Variants in CWF19L2 observed in about 807,000 individuals in gnomAD.
The protein encoded by CWF19L2 is CWF19-like protein 2.
In CWF19L2, 98 loss-of-function variants were observed where a neutral mutation model predicts 111.7. The observed-to-expected ratio is 0.88, with a 90% CI of 0.75 to 1.04. The LOEUF (loss-of-function observed/expected upper bound fraction) is 1.04, where lower values mean the gene tolerates loss of function less well. CWF19L2 is among the 50% of genes least tolerant of loss of function. CWF19L2 has a pLI of 0.00. For missense variants in CWF19L2, 1,101 were observed against 1,051.4 expected, an observed-to-expected ratio of 1.05 and a Z score of -0.65; for synonymous variants, 351 against 342.9, an observed-to-expected ratio of 1.02 and a Z score of -0.26.
intron 10 of CWF19L2, among the ~76,000 whole-genome samples, chr11:107,405,729 G>A (rs1451911742): frequency 6.6e-6 from 1 of 151,756 alleles, no homozygotes; most frequent in Non-Finnish European, 1.5e-5. Context: ...GCAGTTCATA[G>A]ACTGCAGTAC....
chr11:107,373,249 C>T (rs1453875260), intron 12 of CWF19L2, among the ~76,000 whole-genome samples: 1 of 127,640 alleles, frequency 7.8e-6, no homozygotes, highest in Non-Finnish European at 1.6e-5. Context: ...CCAGGAAGCT[C>T]GAACTGGGTG....
intron 12 of CWF19L2, among the ~76,000 whole-genome samples, chr11:107,361,115 G>A (rs1334632967): frequency 6.6e-6 from 1 of 152,104 alleles, no homozygotes; most frequent in Non-Finnish European, 1.5e-5. Flanking sequence ...TCCATCTTAA[G>A]TTGATTTTTG....
At chr11:107,371,888 C>A (rs1860515849) in intron 12 of CWF19L2, among the ~76,000 whole-genome samples, 1 of 137,220 alleles carries the variant, frequency 7.3e-6, no homozygotes, top group Non-Finnish European at 1.6e-5. Context: ...AGATGGTCCC[C>A]CCACCTCCAC....
chr11:107,398,822 C>A (rs1251811401), intron 10 of CWF19L2, among the ~76,000 whole-genome samples: 2 of 152,176 alleles, frequency 1.3e-5, no homozygotes, highest in African/African-American at 4.8e-5. Flanking sequence ...CCCATCAGAT[C>A]AACAGCAGAT....
rs1024559804 is a variant in CWF19L2 at position 107,441,641 on chromosome 11, T to G, written c.451-19A>C. 2.7e-6 allele frequency: 4 copies of G among 1,508,428 alleles called. No individual in the cohort carries two copies. Among genetic ancestry groups the G allele is most frequent in the Non-Finnish European group, 3.5e-6 (4 of 1,133,160 alleles). 93.4% of individuals were successfully genotyped at this position (1,508,428 alleles called of 1,614,324 possible). A position where few individuals can be genotyped will look rare whatever the true frequency, so the allele number is the denominator to read the frequency against. On this transcript the variant is annotated intron_variant, in intron 4 of 17. Transcript: ENST00000282251. ...CATCCCTCTGTTAAAAAAAAAGACA[T>G]AAAATCAACAGTCATCCACTCATCA...
chr11:107,425,312 G>A (rs1025122519), intron 8 of CWF19L2, among the ~76,000 whole-genome samples: 2 of 151,642 alleles, frequency 1.3e-5, no homozygotes, highest in African/African-American at 4.8e-5. Context: ...GCATAACGAC[G>A]TTTCACTCAA....
chr11:107,403,931 A>C, intron 10 of CWF19L2: 1 of 871,732 alleles, frequency 1.1e-6, no homozygotes, highest in Non-Finnish European at 2.0e-6. Context: ...TAAGGACTGG[A>C]CCTGTCGTTT....
chr11:107,399,944 T>A (rs185787540), intron 10 of CWF19L2, among the ~76,000 whole-genome samples: 1 of 152,072 alleles, frequency 6.6e-6, no homozygotes, highest in East Asian at 1.9e-4. Flanking sequence ...ATAGGGAAAT[T>A]AAATAACCTG....
intron 9 of CWF19L2, among the ~76,000 whole-genome samples, chr11:107,417,506 G>A (rs560011387): frequency 2.0e-5 from 3 of 152,022 alleles, no homozygotes; most frequent in Non-Finnish European, 4.4e-5. Context: ...CTCCTTTTTA[G>A]GTTCCTAAGT....
intron 10 of CWF19L2, among the ~76,000 whole-genome samples, chr11:107,409,579 C>A (rs78739341): frequency 0.013 from 1,935 of 152,096 alleles, 35 homozygotes; most frequent in African/African-American, 0.044. Flanking sequence ...TAATGTGACT[C>A]CATTGAAGGA....
At chr11:107,451,271 T>C (rs1179766135) in intron 3 of CWF19L2, among the ~76,000 whole-genome samples, 3 of 152,074 alleles carry the variant, frequency 2.0e-5, no homozygotes, top group Non-Finnish European at 2.9e-5. Flanking sequence ...ATATTTTGAA[T>C]GGGACAGCAA....
chr11:107,439,914 G>C lies in CWF19L2; in HGVS notation c.571-731C>G, dbSNP rs114060837. Among the ~76,000 whole-genome samples, 614 of 152,282 alleles carry C rather than the reference G, an allele frequency of 4.0e-3. 8 individuals carry two copies. Among genetic ancestry groups the C allele is most frequent in the African/African-American group, 0.014 (580 of 41,558 alleles). ...AGAGCAAACTGGGCTCAGCATGGAG[G>C]AAAGTCTGGAGAACAAGATCAGAGG... On this transcript the variant is annotated intron_variant, in intron 5 of 17. Transcript: ENST00000282251.
chr11:107,329,565 A>AT (rs1401094854), intron 17 of CWF19L2, among the ~76,000 whole-genome samples: 1 of 152,178 alleles, frequency 6.6e-6, no homozygotes, highest in African/African-American at 2.4e-5. Flanking sequence ...CAATAGGATT[A>AT]TTGTGAGCAT....
chr11:107,443,260 T>C (rs907096935), intron 3 of CWF19L2, among the ~76,000 whole-genome samples: 23 of 152,180 alleles, frequency 1.5e-4, no homozygotes, highest in African/African-American at 5.1e-4. Flanking sequence ...GCAGGCATAT[T>C]ACTTGAGGTC....
At chr11:107,448,554 A>G (rs1861734214) in intron 3 of CWF19L2, among the ~76,000 whole-genome samples, 1 of 152,130 alleles carries the variant, frequency 6.6e-6, no homozygotes, top group Non-Finnish European at 1.5e-5. Flanking sequence ...AAAGTTTCAT[A>G]TTTGATGGAA....
chr11:107,376,201 A>AC (rs1860597724), intron 12 of CWF19L2, among the ~76,000 whole-genome samples: 1 of 121,636 alleles, frequency 8.2e-6, no homozygotes, highest in South Asian at 2.8e-4. Context: ...AGGAACTGGT[A>AC]CCATTCCTTC....
intron 2 of CWF19L2, 78 bp from the exon 3 acceptor site, chr11:107,454,650 A>G: frequency 9.8e-7 from 1 of 1,024,452 alleles, no homozygotes; most frequent in Non-Finnish European, 1.3e-6. Context: ...GAGAAAAAAA[A>G]TAAACCACAT....
In CWF19L2 at chr11:107,371,357, A is replaced by C. The variant is rs1860507927; in HGVS notation, c.1873-17621T>G. On this transcript the variant is annotated intron_variant, in intron 12 of 17. Transcript: ENST00000282251. ...CATGCATATTATGCCAAGATGTAAAAAATCCTAATTCCTACCTGAATTCCT... is the reference window on the plus strand; with the variant it reads ...CATGCATATTATGCCAAGATGTAAACAATCCTAATTCCTACCTGAATTCCT... 1.5e-5 allele frequency among the ~76,000 whole-genome samples: 2 copies of C among 137,834 alleles called. 1 individual carries two copies. The highest frequency in any genetic ancestry group is 3.1e-5 in the Non-Finnish European group (2 of 64,314). 90.4% of individuals were successfully genotyped at this position (137,834 alleles called of 152,430 possible).
At chr11:107,346,469 G>A (rs1860082150) in intron 14 of CWF19L2, among the ~76,000 whole-genome samples, 1 of 152,180 alleles carries the variant, frequency 6.6e-6, no homozygotes, top group African/African-American at 2.4e-5. Flanking sequence ...CATACCTTGG[G>A]GAGGAGAAAG....
Sources: allele counts gnomAD v4.1 joint callset (sites outside exome capture counted in the v4.1 genomes callset), GRCh38; gene constraint gnomAD v4.1.1; transcripts MANE v1.5; gene names NCBI Gene and HGNC (gene_info 2026-07-23, HGNC 2026-07-21).